The following DMD variants were observed in gnomAD, a reference collection of about 807,000 sequenced individuals.
DMD encodes the protein dystrophin.
Under a neutral mutation model 330.1 loss-of-function variants are expected in DMD, and 63 were observed. The observed-to-expected ratio is 0.19, with a 90% CI of 0.16 to 0.24. DMD has a LOEUF of 0.24. DMD is among the 10% of genes least tolerant of loss of function. The pLI, the probability that DMD is intolerant of heterozygous loss-of-function variation, is 1.00. For missense variants in DMD, 3,344 were observed against 2,684.1 expected (o/e 1.25, Z -5.43); for synonymous variants, 1,223 against 959.8 (o/e 1.27, Z -5.07).
intron 49 of DMD, among the ~76,000 whole-genome samples, chrX:31,833,543 T>C (rs762466505): frequency 9.0e-6 from 1 of 111,470 alleles, no homozygotes; most frequent in Admixed American, 9.6e-5. Context: ...TTACAGGAAG[T>C]CCTCAAAGAA....
At position 32,063,136 on chromosome X, in the gene DMD, C is replaced by T. The variant is rs1040271908; in HGVS notation, c.6439-94622G>A. 6.4e-5 allele frequency among the ~76,000 whole-genome samples: 7 copies of T among 108,598 alleles called. No homozygotes were observed. In the Admixed American group the frequency reaches 7.0e-4, roughly 11 times the overall value. The allele number at this position is 108,598 out of a possible 115,157, so 94.3% of individuals were successfully genotyped here. On this transcript the variant is annotated intron_variant, in intron 44 of 78. Coordinates refer to ENST00000357033, the MANE Select transcript of DMD (RefSeq NM_004006.3). ...ATGTGTGGATATAACACATGTTATA[C>T]TTTTCCATTTGTGCAGAATTTTCTA...
intron 1 of DMD, among the ~76,000 whole-genome samples, chrX:33,286,070 G>A (rs764545085): frequency 2.7e-5 from 3 of 111,646 alleles, no homozygotes; most frequent in South Asian, 3.7e-4. Flanking sequence ...ACATATTATC[G>A]TGATGTAGAT....
chrX:32,139,713 G>C (rs1281997625), intron 44 of DMD, among the ~76,000 whole-genome samples: 1 of 111,721 alleles, frequency 9.0e-6, no homozygotes. Flanking sequence ...TATGTAACTG[G>C]GGAAAGTTGG....
chrX:31,496,739 T>C, intron 57 of DMD, 49 bp downstream of exon 57: 4 of 1,185,660 alleles, frequency 3.4e-6, no homozygotes, highest in Non-Finnish European at 4.6e-6. Context: ...AGTCACTGGA[T>C]TACTATGTGC....
At chrX:31,746,594 A>C (rs2087856547) in intron 51 of DMD, among the ~76,000 whole-genome samples, 1 of 111,753 alleles carries the variant, frequency 8.9e-6, no homozygotes, top group Non-Finnish European at 1.9e-5. Context: ...AGCAATTAAG[A>C]CATATGTTAT....
intron 60 of DMD, among the ~76,000 whole-genome samples, chrX:31,399,818 T>G (rs1393680801): frequency 9.0e-6 from 1 of 111,638 alleles, no homozygotes; most frequent in Admixed American, 9.6e-5. Flanking sequence ...GAGAAAGGAC[T>G]GAGGGAAGGG....
chrX:32,357,375 A>C lies in DMD; in HGVS notation c.5325+5413T>G, dbSNP rs184563672. ...CTTCAGCATCAATCTGACCTAGAAA[A>C]ATGTTAGAAATGCAAACTCTTGTGC... On this transcript the variant is annotated intron_variant, in intron 37 of 78. Coordinates refer to ENST00000357033, the MANE Select transcript of DMD (RefSeq NM_004006.3). Among the ~76,000 whole-genome samples the C allele has an allele frequency of 1.6e-3, 176 of 111,062 alleles. 1 individual carries two copies. The highest frequency in any genetic ancestry group is 5.2e-3 in the African/African-American group (159 of 30,524).
intron 44 of DMD, among the ~76,000 whole-genome samples, chrX:32,203,262 C>T (rs1366407348): frequency 8.9e-6 from 1 of 112,530 alleles, no homozygotes; most frequent in African/African-American, 3.2e-5. Context: ...GTATCTATCT[C>T]TCCCTGCACT....
rs1471143391 is a variant in DMD at position 31,926,631 on chromosome X, G to A, written c.6912+2965C>T. Among the ~76,000 whole-genome samples the A allele has an allele frequency of 3.6e-5, 4 of 110,201 alleles. No individual in the cohort carries two copies. The Admixed American group carries it at 3.9e-4, about 11-fold the overall frequency. ...GTGGAGGTTGCAGTGAGCTGAGATC[G>A]TGCCACTGCACTGCAGCCTGGATGA... On this transcript the variant is annotated intron_variant, in intron 47 of 78. Coordinates refer to ENST00000357033, the MANE Select transcript of DMD (RefSeq NM_004006.3).
At chrX:31,284,584 C>CTTCTTCTTCTTCTTCTTCTT in intron 62 of DMD, among the ~76,000 whole-genome samples, 2 of 96,589 alleles carry the variant, frequency 2.1e-5, no homozygotes, top group African/African-American at 8.2e-5. Context: ...TCTTCTTCTT[C>CTTCTTCTTCTTCTTCTTCTT]TTCTTCTTCT....
At chrX:32,668,600 G>C (rs748003350) in intron 9 of DMD, among the ~76,000 whole-genome samples, 38 of 111,602 alleles carry the variant, frequency 3.4e-4, no homozygotes, top group Admixed American at 1.9e-4. Flanking sequence ...ATGAATAGTG[G>C]AATTCCAGCA....
chrX:31,917,814 C>T (rs764640134), intron 47 of DMD, among the ~76,000 whole-genome samples: 15 of 112,714 alleles, frequency 1.3e-4, no homozygotes, highest in Non-Finnish European at 2.8e-4. Context: ...GGAGCCAACA[C>T]TGGCAGGGAT....
intron 60 of DMD, among the ~76,000 whole-genome samples, chrX:31,442,704 A>G (rs187502447): frequency 9.0e-6 from 1 of 111,642 alleles, no homozygotes; most frequent in African/African-American, 3.2e-5. Flanking sequence ...CTTATATGGG[A>G]CTAATGTGGC....
intron 61 of DMD, among the ~76,000 whole-genome samples, chrX:31,347,590 A>G (rs1404196255): frequency 8.9e-6 from 1 of 112,259 alleles, no homozygotes; most frequent in African/African-American, 3.2e-5. Flanking sequence ...GCAGTGTTTC[A>G]TTGTGTACAG....
At chrX:32,659,375 A>T (rs973416690) in intron 9 of DMD, among the ~76,000 whole-genome samples, 1 of 111,555 alleles carries the variant, frequency 9.0e-6, no homozygotes, top group East Asian at 2.8e-4. Context: ...AGAAATCCCT[A>T]TGGGGGAACT....
chrX:33,043,797 T>G (rs1254882017), intron 1 of DMD, among the ~76,000 whole-genome samples: 1 of 110,023 alleles, frequency 9.1e-6, no homozygotes, highest in Non-Finnish European at 1.9e-5. Flanking sequence ...ACTCGTCATT[T>G]AACATTAGGT....
chrX:33,164,795 T>C (rs1041239220), intron 1 of DMD, among the ~76,000 whole-genome samples: 6 of 111,198 alleles, frequency 5.4e-5, no homozygotes, highest in African/African-American at 2.0e-4. Flanking sequence ...TCTATTAGCA[T>C]GGCTAATAGA....
intron 64 of DMD, 70 bp from the exon 65 acceptor site, chrX:31,209,769 T>A (rs1240960137): frequency 1.9e-6 from 2 of 1,029,681 alleles, no homozygotes; most frequent in Non-Finnish European, 2.7e-6. Flanking sequence ...CTTTTTCCTC[T>A]GAGAATCCTA....
intron 1 of DMD, among the ~76,000 whole-genome samples, chrX:33,136,280 A>C (rs2095527032): frequency 2.4e-5 from 1 of 41,009 alleles, no homozygotes; most frequent in Admixed American, 3.3e-4. Flanking sequence ...CCCCGTCTCA[A>C]AAAAAAAAAA....
Sources: allele counts gnomAD v4.1 joint callset (sites outside exome capture counted in the v4.1 genomes callset), GRCh38; gene constraint gnomAD v4.1.1; transcripts MANE v1.5; gene names NCBI Gene and HGNC (gene_info 2026-07-23, HGNC 2026-07-21).